LOC128462377: variants seen among roughly 807,000 people sequenced by gnomAD.
the LOC128462377 span, among the ~76,000 whole-genome samples, chr16:89,406,363 C>T: frequency 1.3e-5 from 2 of 152,126 alleles, no homozygotes; most frequent in Admixed American, 6.6e-5. Context: ...ACCTGGGCCT[C>T]GGCCACACTC....
chr16:89,327,938 G>C, the LOC128462377 span, among the ~76,000 whole-genome samples: 1 of 152,226 alleles, frequency 6.6e-6, no homozygotes, highest in Non-Finnish European at 1.5e-5. Context: ...AGTTTAAAGA[G>C]TGAAAAGACA....
the LOC128462377 span, chr16:89,392,365 G>C: frequency 6.6e-6 from 1 of 152,316 alleles, no homozygotes; most frequent in African/African-American, 2.4e-5. Flanking sequence ...ATCACAAGAA[G>C]CTAAAATTCA....
chr16:89,337,007 CAAAAAAAA>C, the LOC128462377 span, among the ~76,000 whole-genome samples: 182 of 47,746 alleles, frequency 3.8e-3, no homozygotes, highest in African/African-American at 0.011. Flanking sequence ...CTGGCTCTAC[CAAAAAAAA>C]AAAAAAAAAA....
At chr16:89,367,795 T>G in the LOC128462377 span, among the ~76,000 whole-genome samples, 5 of 152,228 alleles carry the variant, frequency 3.3e-5, no homozygotes, top group South Asian at 1.0e-3. Context: ...CTATGACTTG[T>G]TCAAAAGCAG....
the LOC128462377 span, among the ~76,000 whole-genome samples, chr16:89,383,170 G>A: frequency 6.6e-6 from 1 of 152,350 alleles, no homozygotes; most frequent in Non-Finnish European, 1.5e-5. Context: ...CTGTGCTGCT[G>A]AGTAAAGGGA....
At chr16:89,385,478 A>G in the LOC128462377 span, among the ~76,000 whole-genome samples, 227 of 152,244 alleles carry the variant, frequency 1.5e-3, 2 homozygotes, top group African/African-American at 5.2e-3. Context: ...TCCACAAGCC[A>G]GCACCGGGCA....
the LOC128462377 span, among the ~76,000 whole-genome samples, chr16:89,374,334 T>C: frequency 6.7e-6 from 1 of 148,436 alleles, no homozygotes; most frequent in South Asian, 2.1e-4. Flanking sequence ...CCATGTGTTT[T>C]TGTAAAAAAA....
At chr16:89,397,053 A>C in the LOC128462377 span, among the ~76,000 whole-genome samples, 1 of 151,866 alleles carries the variant, frequency 6.6e-6, no homozygotes, top group South Asian at 2.1e-4. Flanking sequence ...TGTGCTGCTT[A>C]TATGCAATGG....
the LOC128462377 span, among the ~76,000 whole-genome samples, chr16:89,361,860 T>C: frequency 6.6e-6 from 1 of 152,018 alleles, no homozygotes; most frequent in African/African-American, 2.4e-5. Context: ...AAATCCGCAC[T>C]CTAGATAAGA....
chr16:89,324,141 C>T, the LOC128462377 span: 7 of 936,834 alleles, frequency 7.5e-6, no homozygotes, highest in Non-Finnish European at 8.4e-6. Flanking sequence ...CTCTCTACTG[C>T]AGCCCTGTTT....
At chr16:89,320,011 G>A in the LOC128462377 span, 3 of 152,410 alleles carry the variant, frequency 2.0e-5, no homozygotes, top group Non-Finnish European at 4.4e-5. Context: ...GCCGAGGGCC[G>A]AGGAACCGTT....
At chr16:89,384,346 C>T in the LOC128462377 span, among the ~76,000 whole-genome samples, 11 of 152,236 alleles carry the variant, frequency 7.2e-5, no homozygotes, top group Admixed American at 5.9e-4. Context: ...GCCCGTCCAA[C>T]ATAGCGAAAC....
At chr16:89,409,594 G>A in the LOC128462377 span, among the ~76,000 whole-genome samples, 1 of 152,296 alleles carries the variant, frequency 6.6e-6, no homozygotes, top group Middle Eastern at 3.4e-3. Context: ...AGGAAGGACT[G>A]CTTAAGGCCA....
chr16:89,341,831 G>C, the LOC128462377 span, among the ~76,000 whole-genome samples: 1 of 139,188 alleles, frequency 7.2e-6, no homozygotes, highest in Non-Finnish European at 1.5e-5. Context: ...CAGCAGCCAC[G>C]GCCCACGGCG....
the LOC128462377 span, among the ~76,000 whole-genome samples, chr16:89,385,239 G>C: frequency 2.0e-5 from 3 of 151,466 alleles, no homozygotes; most frequent in African/African-American, 7.3e-5. Context: ...ACCCAGGCTG[G>C]AGTGCAATGG....
At chr16:89,366,509 G>A in the LOC128462377 span, among the ~76,000 whole-genome samples, 2 of 152,168 alleles carry the variant, frequency 1.3e-5, no homozygotes, top group African/African-American at 2.4e-5. Context: ...TAACCTTTTC[G>A]TAACAGCCAT....
chr16:89,334,900 C>A, the LOC128462377 span, among the ~76,000 whole-genome samples: 1 of 152,104 alleles, frequency 6.6e-6, no homozygotes, highest in Non-Finnish European at 1.5e-5. Flanking sequence ...CTGCTGTGGC[C>A]TTCTGCATGC....
the LOC128462377 span, among the ~76,000 whole-genome samples, chr16:89,354,243 CAAA>C: frequency 6.3e-5 from 8 of 126,204 alleles, no homozygotes; most frequent in Non-Finnish European, 8.5e-5. Flanking sequence ...TGCATTCAGC[CAAA>C]AAAAAAAAAA....
the LOC128462377 span, among the ~76,000 whole-genome samples, chr16:89,396,269 C>T: frequency 1.2e-4 from 19 of 152,320 alleles, 1 homozygote; most frequent in Admixed American, 2.0e-4. Flanking sequence ...GAGATGCACA[C>T]GAGTCCCGGG....
Sources: allele counts gnomAD v4.1 joint callset (sites outside exome capture counted in the v4.1 genomes callset), GRCh38; gene constraint gnomAD v4.1.1; transcripts MANE v1.5.